The following SLC24A3 variants were observed in gnomAD, a reference collection of about 807,000 sequenced individuals.
The protein encoded by SLC24A3 is sodium/potassium/calcium exchanger 3.
A neutral mutation model predicts 75.8 loss-of-function variants in SLC24A3; 28 were observed. The observed-to-expected ratio is 0.37, with a 90% CI of 0.27 to 0.51. The LOEUF (loss-of-function observed/expected upper bound fraction) is 0.51. SLC24A3 is among the 20% of genes least tolerant of loss of function. SLC24A3 has a pLI of 0.94. For missense variants in SLC24A3, 663 were observed against 847.8 expected (o/e 0.78, Z 2.71); for synonymous variants, 372 against 334.1 (o/e 1.11, Z -1.24).
At chr20:19,712,526 G>C (rs1199662717) in intron 15 of SLC24A3, among the ~76,000 whole-genome samples, 2 of 152,084 alleles carry the variant, frequency 1.3e-5, no homozygotes, top group East Asian at 1.9e-4. Flanking sequence ...TAGACCGAAA[G>C]TCTCAAAGAG....
chr20:19,420,537 G>T (rs572830891), intron 2 of SLC24A3, among the ~76,000 whole-genome samples: 330 of 147,566 alleles, frequency 2.2e-3, no homozygotes, highest in Non-Finnish European at 3.1e-3. Flanking sequence ...GGTGTGAGAT[G>T]ATATTCCATG....
intron 1 of SLC24A3, among the ~76,000 whole-genome samples, chr20:19,233,325 C>T (rs1024358247): frequency 1.3e-5 from 2 of 152,162 alleles, no homozygotes; most frequent in African/African-American, 4.8e-5. Context: ...AGTTGTTTTG[C>T]CTAAGATGGC....
intron 2 of SLC24A3, among the ~76,000 whole-genome samples, chr20:19,443,576 A>G (rs1304226859): frequency 6.6e-6 from 1 of 152,024 alleles, no homozygotes; most frequent in Non-Finnish European, 1.5e-5. Flanking sequence ...GTTGTTGTTG[A>G]TTCTTTGGAA....
At chr20:19,605,757 C>G (rs1286711511) in intron 6 of SLC24A3, among the ~76,000 whole-genome samples, 1 of 152,128 alleles carries the variant, frequency 6.6e-6, no homozygotes, top group Admixed American at 6.5e-5. Context: ...ATCGAACGTG[C>G]CAAACCAAAA....
chr20:19,664,901 G>A (rs542299889), intron 7 of SLC24A3, among the ~76,000 whole-genome samples: 3 of 152,290 alleles, frequency 2.0e-5, no homozygotes, highest in South Asian at 2.1e-4. Flanking sequence ...CACCAAATTC[G>A]GAGCTGGGGC....
intron 6 of SLC24A3, among the ~76,000 whole-genome samples, chr20:19,611,238 A>G (rs2031667865): frequency 6.6e-6 from 1 of 152,328 alleles, no homozygotes; most frequent in Middle Eastern, 3.4e-3. Context: ...CAGAAGATGG[A>G]TATCATTCAG....
At chr20:19,684,447 G>T in intron 11 of SLC24A3, 111 bp downstream of exon 11, 1 of 1,233,216 alleles carries the variant, frequency 8.1e-7, no homozygotes, top group Non-Finnish European at 1.1e-6. Flanking sequence ...GTTTAACACC[G>T]CAGCATCCCT....
intron 2 of SLC24A3, among the ~76,000 whole-genome samples, chr20:19,475,365 G>T (rs1480061225): frequency 1.3e-5 from 2 of 151,754 alleles, no homozygotes; most frequent in African/African-American, 4.8e-5. Context: ...TCACATCCAA[G>T]GCAGAGAATG....
intron 1 of SLC24A3, among the ~76,000 whole-genome samples, chr20:19,274,158 T>G (rs905203482): frequency 2.6e-5 from 4 of 150,990 alleles, no homozygotes; most frequent in African/African-American, 9.7e-5. Context: ...TGGTGAGAAA[T>G]TTACATCCAG....
At chr20:19,244,214 A>G (rs1982416946) in intron 1 of SLC24A3, 2 of 152,300 alleles carry the variant, frequency 1.3e-5, no homozygotes, top group African/African-American at 4.8e-5. Flanking sequence ...TTCAATGAGC[A>G]TTCCTTTAGT....
At chr20:19,589,983 A>G (rs943981037) in intron 6 of SLC24A3, among the ~76,000 whole-genome samples, 2 of 152,078 alleles carry the variant, frequency 1.3e-5, no homozygotes, top group African/African-American at 4.8e-5. Flanking sequence ...TTATCATTGC[A>G]TTCTTATGAT....
chr20:19,634,799 C>T (rs6112494), intron 6 of SLC24A3, among the ~76,000 whole-genome samples: 26,320 of 151,958 alleles, frequency 0.17, 5,147 homozygotes, highest in African/African-American at 0.48. Context: ...GGTAGAAATG[C>T]TCTATGTCTT....
At chr20:19,599,868 C>T (rs1600297473) in intron 6 of SLC24A3, among the ~76,000 whole-genome samples, 1 of 152,170 alleles carries the variant, frequency 6.6e-6, no homozygotes, top group Admixed American at 6.5e-5. Context: ...AGAATTGACT[C>T]TGTTTAAGGG....
intron 2 of SLC24A3, among the ~76,000 whole-genome samples, chr20:19,479,162 G>T (rs1204520519): frequency 1.3e-5 from 2 of 152,334 alleles, no homozygotes; most frequent in Middle Eastern, 3.4e-3. Context: ...TAGAGTACCA[G>T]TTGTCTTAGC....
chr20:19,252,580 C>G (rs903164636), intron 1 of SLC24A3, among the ~76,000 whole-genome samples: 2 of 149,140 alleles, frequency 1.3e-5, no homozygotes, highest in African/African-American at 2.5e-5. Flanking sequence ...AGTGAATATT[C>G]AAAGCTGTTC....
At chr20:19,348,600 A>G (rs1286784911) in intron 2 of SLC24A3, among the ~76,000 whole-genome samples, 3 of 152,058 alleles carry the variant, frequency 2.0e-5, no homozygotes, top group Non-Finnish European at 4.4e-5. Flanking sequence ...ATCCTGATAG[A>G]TCAATAGAGT....
chr20:19,691,500 G>A (rs1408398767), intron 12 of SLC24A3, among the ~76,000 whole-genome samples: 1 of 152,192 alleles, frequency 6.6e-6, no homozygotes, highest in Non-Finnish European at 1.5e-5. Flanking sequence ...GAGGCCAGTG[G>A]AAGGTTCTAG....
chr20:19,485,537 T>G (rs1236894747), intron 2 of SLC24A3, among the ~76,000 whole-genome samples: 2 of 152,230 alleles, frequency 1.3e-5, no homozygotes, highest in East Asian at 3.8e-4. Context: ...GTTGGGCGAC[T>G]GGGGACTTCA....
At chr20:19,669,153 G>A (rs1229960673) in intron 8 of SLC24A3, among the ~76,000 whole-genome samples, 1 of 152,136 alleles carries the variant, frequency 6.6e-6, no homozygotes, top group Non-Finnish European at 1.5e-5. Flanking sequence ...AAGAGGCAGG[G>A]GAATAGTGGT....
Sources: allele counts gnomAD v4.1 joint callset (sites outside exome capture counted in the v4.1 genomes callset), GRCh38; gene constraint gnomAD v4.1.1; transcripts MANE v1.5; gene names NCBI Gene and HGNC (gene_info 2026-07-23, HGNC 2026-07-21).